XKR6: variants seen among roughly 807,000 people sequenced by gnomAD.
The protein encoded by XKR6 is XK related 6.
XKR6 carries 22 observed loss-of-function variants against 56.7 expected under a neutral mutation model. That is an observed-to-expected ratio of 0.39 (90% CI 0.28 to 0.55). The LOEUF is 0.55. XKR6 is among the 20% of genes least tolerant of loss of function. The probability of loss-of-function intolerance (pLI) is 0.66; values close to 1 mark genes in which losing one functional copy is unlikely to be tolerated. For missense variants in XKR6, 852 were observed against 889.0 expected (o/e 0.96, Z 0.53); for synonymous variants, 524 against 387.8 (o/e 1.35, Z -4.13).
intron 1 of XKR6, among the ~76,000 whole-genome samples, chr8:11,114,991 C>T (rs1049259533): frequency 3.9e-5 from 6 of 152,144 alleles, no homozygotes; most frequent in Admixed American, 6.5e-5. Flanking sequence ...TATGACAGAA[C>T]GAGTTCTAAA....
intron 1 of XKR6, among the ~76,000 whole-genome samples, chr8:11,025,885 T>G (rs1484415265): frequency 2.0e-5 from 3 of 152,130 alleles, no homozygotes; most frequent in African/African-American, 7.2e-5. Flanking sequence ...TACTGAGCAC[T>G]TGAAATGTGG....
At chr8:11,143,726 T>C (rs1425116297) in intron 1 of XKR6, among the ~76,000 whole-genome samples, 1 of 152,188 alleles carries the variant, frequency 6.6e-6, no homozygotes, top group Non-Finnish European at 1.5e-5. Context: ...GAGTTTCTAA[T>C]TTCCTGCTGT....
intron 1 of XKR6, among the ~76,000 whole-genome samples, chr8:11,089,115 G>A (rs748186869): frequency 6.6e-6 from 1 of 152,142 alleles, no homozygotes; most frequent in Middle Eastern, 3.2e-3. Flanking sequence ...GGGACCCTAC[G>A]GCTGGAACAT....
intron 1 of XKR6, among the ~76,000 whole-genome samples, chr8:11,043,931 C>A (rs1012477904): frequency 6.6e-6 from 1 of 152,232 alleles, no homozygotes; most frequent in South Asian, 2.1e-4. Context: ...GGCACACCTA[C>A]ACTTAAAGAA....
At chr8:11,193,416 C>T (rs981102684) in intron 1 of XKR6, among the ~76,000 whole-genome samples, 1 of 152,118 alleles carries the variant, frequency 6.6e-6, no homozygotes, top group Admixed American at 6.5e-5. Context: ...TACAATATAC[C>T]AAGATCTACC....
At chr8:11,101,495 T>C (rs1032731263) in intron 1 of XKR6, among the ~76,000 whole-genome samples, 3 of 152,140 alleles carry the variant, frequency 2.0e-5, no homozygotes, top group Non-Finnish European at 2.9e-5. Context: ...TCATTTTTTA[T>C]GATAAAAAGT....
chr8:10,951,297 GT>G lies in XKR6; in HGVS notation c.765-26468del, dbSNP rs371551706. Among the ~76,000 whole-genome samples, 963 of 129,520 alleles carry G rather than the reference GT, an allele frequency of 7.4e-3. 12 individuals are homozygous for G. Among genetic ancestry groups the G allele is most frequent in the African/African-American group, 0.019 (534 of 28,000 alleles). The allele number at this position is 129,520 out of a possible 152,430, so 85.0% of individuals were successfully genotyped here. ...GAGGGATAGAAAAGTGTGTGTGTGT[GT>G]GGGGGGGGGGGGCCCCCACAGTGGT... On this transcript the variant is annotated intron_variant, in intron 1 of 2. Coordinates refer to ENST00000416569, the MANE Select transcript of XKR6 (RefSeq NM_173683.4).
chr8:11,035,633 T>C (rs1340193316), intron 1 of XKR6, among the ~76,000 whole-genome samples: 2 of 152,200 alleles, frequency 1.3e-5, no homozygotes, highest in African/African-American at 2.4e-5. Flanking sequence ...ATATCCTGTT[T>C]TGCATGAATA....
intron 1 of XKR6, among the ~76,000 whole-genome samples, chr8:11,039,439 G>C (rs1799228910): frequency 6.6e-6 from 1 of 152,230 alleles, no homozygotes; most frequent in African/African-American, 2.4e-5. Flanking sequence ...CTGCTTACTG[G>C]ACACGCTGTG....
At chr8:11,144,095 G>A (rs1228195419) in intron 1 of XKR6, among the ~76,000 whole-genome samples, 1 of 151,984 alleles carries the variant, frequency 6.6e-6, no homozygotes, top group African/African-American at 2.4e-5. Context: ...CCTCTTTCAA[G>A]GTCCAAACAT....
rs540276553 is a variant in XKR6 at position 11,055,712 on chromosome 8, C to T, written c.765-130882G>A. On this transcript the variant is annotated intron_variant, in intron 1 of 2. Coordinates refer to ENST00000416569, the MANE Select transcript of XKR6 (RefSeq NM_173683.4). ...CACCTAGGACTTTGCTTGCACAGGGCACATGGGCTTTCCAGAATGACCTGC... is the reference window on the plus strand; with the variant it reads ...CACCTAGGACTTTGCTTGCACAGGGTACATGGGCTTTCCAGAATGACCTGC... 2.0e-5 allele frequency among the ~76,000 whole-genome samples: 3 copies of T among 152,230 alleles called. No homozygotes were observed. The South Asian group carries it at 6.2e-4, about 32-fold the overall frequency.
rs59410799 is a variant in XKR6, at chr8:10,990,895, C to CTTTTT, written c.765-66070_765-66066dup. ...ACCATGCCCGGCCACTGGGGAATGT[C>CTTTTT]TTTTTTTTTTTTTTTTTTTTTTTTC... On this transcript the variant is annotated intron_variant, in intron 1 of 2. Coordinates refer to ENST00000416569, the MANE Select transcript of XKR6 (RefSeq NM_173683.4). 2.1e-3 allele frequency among the ~76,000 whole-genome samples: 156 copies of CTTTTT among 73,594 alleles called. 26 individuals carry two copies. Among genetic ancestry groups the CTTTTT allele is most frequent in the African/African-American group, 6.8e-3 (114 of 16,874 alleles). The allele number at this position is 73,594 out of a possible 152,430, so 48.3% of individuals were successfully genotyped here. A position where few individuals can be genotyped will look rare whatever the true frequency, so the allele number is the denominator to read the frequency against.
chr8:11,072,328 C>A (rs974053447), intron 1 of XKR6, among the ~76,000 whole-genome samples: 13 of 150,582 alleles, frequency 8.6e-5, no homozygotes, highest in Non-Finnish European at 1.5e-4. Context: ...GGCTCCACCC[C>A]CTCTCTGTTT....
chr8:11,048,347 C>A (rs1225154511), intron 1 of XKR6, among the ~76,000 whole-genome samples: 1 of 152,126 alleles, frequency 6.6e-6, no homozygotes, highest in African/African-American at 2.4e-5. Context: ...GTCTTCTCGC[C>A]AGGGGGAGGG....
intron 1 of XKR6, among the ~76,000 whole-genome samples, chr8:11,075,642 T>G (rs1800254698): frequency 6.6e-6 from 1 of 152,116 alleles, no homozygotes; most frequent in Admixed American, 6.6e-5. Flanking sequence ...CCCAGCACTT[T>G]GGGAGGCTGA....
intron 1 of XKR6, among the ~76,000 whole-genome samples, chr8:11,132,614 G>A (rs984599470): frequency 3.3e-5 from 5 of 151,866 alleles, no homozygotes; most frequent in Non-Finnish European, 4.4e-5. Flanking sequence ...CACCCACCTC[G>A]ATCTCCCAAA....
intron 2 of XKR6, among the ~76,000 whole-genome samples, chr8:10,911,202 G>GCA: frequency 8.7e-6 from 1 of 114,606 alleles, no homozygotes; most frequent in South Asian, 2.5e-4. Flanking sequence ...GGGTGTGCGT[G>GCA]TGTGTGTGTG....
At chr8:11,151,683 G>A (rs570691786) in intron 1 of XKR6, among the ~76,000 whole-genome samples, 1 of 151,738 alleles carries the variant, frequency 6.6e-6, no homozygotes, top group African/African-American at 2.4e-5. Context: ...CCATTTGTCA[G>A]TCTTTGAACA....
At chr8:11,196,550 T>C (rs940054391) in intron 1 of XKR6, among the ~76,000 whole-genome samples, 1 of 152,268 alleles carries the variant, frequency 6.6e-6, no homozygotes, top group Non-Finnish European at 1.5e-5. Flanking sequence ...AAAGTCATTT[T>C]GTTATGGTAT....
Sources: allele counts gnomAD v4.1 joint callset (sites outside exome capture counted in the v4.1 genomes callset), GRCh38; gene constraint gnomAD v4.1.1; transcripts MANE v1.5; gene names NCBI Gene and HGNC (gene_info 2026-07-23, HGNC 2026-07-21).